TMEM178B: variants seen among roughly 807,000 people sequenced by gnomAD.
TMEM178B encodes the protein transmembrane protein 178B.
In TMEM178B, 5 loss-of-function variants were observed where a neutral mutation model predicts 31.0. The observed-to-expected ratio is 0.16, with a 90% CI of 0.08 to 0.34. TMEM178B has a LOEUF of 0.34. Among genes scored for constraint, TMEM178B ranks in the 10% least tolerant of loss-of-function variants. The probability of loss-of-function intolerance (pLI) is 1.00; values close to 1 mark genes in which losing one functional copy is unlikely to be tolerated. For synonymous variants in TMEM178B, 164 were observed against 164.0 expected, an observed-to-expected ratio of 1.00 and a Z score of 0.00; for missense variants, 275 against 400.3, an observed-to-expected ratio of 0.69 and a Z score of 2.67.
Position 141,099,047 on chromosome 7 carries a change from A to G in TMEM178B, c.382+24355A>G, listed in dbSNP as rs151086334. On this transcript the variant is annotated intron_variant, in intron 1 of 3. Transcript: ENST00000565468. ...AAGTCTTCTAACTTTGCTAAAGCCA[A>G]TTAGACCATACATTATCAACCAGGG... 2.7e-4 allele frequency among the ~76,000 whole-genome samples: 41 copies of G among 152,362 alleles called. 1 individual carries two copies. The highest frequency in any genetic ancestry group is 3.4e-3 in the Middle Eastern group (1 of 294).
Position 141,386,771 on chromosome 7 carries a change from C to T in TMEM178B, c.497-50837C>T, listed in dbSNP as rs1361823117. Among the ~76,000 whole-genome samples the T allele has an allele frequency of 3.3e-5, 5 of 152,182 alleles. No homozygotes were observed. In the East Asian group the frequency reaches 9.7e-4, roughly 29 times the overall value. On this transcript the variant is annotated intron_variant, in intron 2 of 3. Coordinates refer to ENST00000565468, the MANE Select transcript of TMEM178B (RefSeq NM_001195278.2). ...TGCACGCAGTGGAGATCAACTCTGG[C>T]TAATTTAATCAAGGGAAGGATCCTG...
At chr7:141,198,278 A>G (rs1796817476) in intron 1 of TMEM178B, among the ~76,000 whole-genome samples, 1 of 152,106 alleles carries the variant, frequency 6.6e-6, no homozygotes, top group African/African-American at 2.4e-5. Context: ...GGAGGTGCAT[A>G]CCTGGGGGAG....
intron 3 of TMEM178B, among the ~76,000 whole-genome samples, chr7:141,465,720 A>G (rs1000895267): frequency 6.6e-6 from 1 of 152,216 alleles, no homozygotes; most frequent in Non-Finnish European, 1.5e-5. Flanking sequence ...GTACATAAAA[A>G]TATAAATTAT....
At chr7:141,162,342 T>C (rs1045915976) in intron 1 of TMEM178B, among the ~76,000 whole-genome samples, 4 of 152,218 alleles carry the variant, frequency 2.6e-5, no homozygotes, top group African/African-American at 9.6e-5. Flanking sequence ...TTTGACCCCC[T>C]GTCTGCTCAT....
At chr7:141,399,231 C>T (rs1047865491) in intron 2 of TMEM178B, among the ~76,000 whole-genome samples, 1 of 152,220 alleles carries the variant, frequency 6.6e-6, no homozygotes, top group African/African-American at 2.4e-5. Context: ...ACGGCACAGG[C>T]CAGTTGAAGT....
intron 2 of TMEM178B, among the ~76,000 whole-genome samples, chr7:141,246,221 T>C (rs1442859830): frequency 6.6e-6 from 1 of 152,238 alleles, no homozygotes; most frequent in African/African-American, 2.4e-5. Flanking sequence ...TTCATCTCTA[T>C]GGAGCCATGC....
intron 1 of TMEM178B, among the ~76,000 whole-genome samples, chr7:141,204,762 A>G (rs1235410426): frequency 6.6e-6 from 1 of 152,150 alleles, no homozygotes. Flanking sequence ...CACTCATCCA[A>G]ATATAACTCA....
At chr7:141,313,238 T>C (rs1183391571) in intron 2 of TMEM178B, among the ~76,000 whole-genome samples, 1 of 152,112 alleles carries the variant, frequency 6.6e-6, no homozygotes, top group East Asian at 1.9e-4. Context: ...TGCTAAGGGG[T>C]ATAATAGAAG....
chr7:141,497,624 G>C, the TMEM178B span, among the ~76,000 whole-genome samples: 5 of 152,072 alleles, frequency 3.3e-5, no homozygotes, highest in Non-Finnish European at 7.4e-5. Context: ...GCATCCCTCC[G>C]TCTGTGGTCA....
At chr7:141,131,307 T>C (rs1286573659) in intron 1 of TMEM178B, among the ~76,000 whole-genome samples, 1 of 152,242 alleles carries the variant, frequency 6.6e-6, no homozygotes, top group East Asian at 1.9e-4. Context: ...GGTAATCTTA[T>C]ACTAAGCAGC....
At chr7:141,096,982 C>G (rs1794970539) in intron 1 of TMEM178B, among the ~76,000 whole-genome samples, 1 of 151,744 alleles carries the variant, frequency 6.6e-6, no homozygotes, top group South Asian at 2.1e-4. Context: ...CCCAGCTACT[C>G]AGGAGGCTGA....
At position 141,229,101 on chromosome 7, in the gene TMEM178B, G is replaced by T. The variant is rs528544787; in HGVS notation, c.496+16397G>T. 7.5e-5 allele frequency among the ~76,000 whole-genome samples: 3 copies of T among 40,182 alleles called. No individual in the cohort carries two copies. The South Asian group carries it at 1.4e-3, about 19-fold the overall frequency. 26.4% of individuals were successfully genotyped at this position (40,182 alleles called of 152,430 possible). A position where few individuals can be genotyped will look rare whatever the true frequency, so the allele number is the denominator to read the frequency against. ...TTTTGCAAAATGATGTGTGTGTGTGGTGTGTGTGTGTGTGTGTGTGTGTGT... is the reference window on the plus strand; with the variant it reads ...TTTTGCAAAATGATGTGTGTGTGTGTTGTGTGTGTGTGTGTGTGTGTGTGT... On this transcript the variant is annotated intron_variant, in intron 2 of 3. Coordinates refer to ENST00000565468, the MANE Select transcript of TMEM178B (RefSeq NM_001195278.2).
chr7:141,510,685 C>CAAAAAAAA, the TMEM178B span, among the ~76,000 whole-genome samples: 200 of 24,958 alleles, frequency 8.0e-3, 30 homozygotes, highest in Admixed American at 0.021. Flanking sequence ...AACTCCGTCT[C>CAAAAAAAA]AAAAAAAAAA....
At chr7:141,263,942 A>T (rs913535587) in intron 2 of TMEM178B, among the ~76,000 whole-genome samples, 2 of 152,256 alleles carry the variant, frequency 1.3e-5, no homozygotes, top group African/African-American at 4.8e-5. Context: ...GAAATGGCAC[A>T]TAGGGAAGAA....
intron 3 of TMEM178B, among the ~76,000 whole-genome samples, chr7:141,468,080 T>C (rs909890950): frequency 6.6e-6 from 1 of 152,170 alleles, no homozygotes; most frequent in African/African-American, 2.4e-5. Flanking sequence ...TTGGTAAAAT[T>C]GACCATTTTT....
chr7:141,409,949 C>T (rs912974526), intron 2 of TMEM178B, among the ~76,000 whole-genome samples: 6 of 152,164 alleles, frequency 3.9e-5, no homozygotes, highest in Non-Finnish European at 7.4e-5. Context: ...CTCTGCTGAG[C>T]CCCGGGTGAC....
intron 2 of TMEM178B, among the ~76,000 whole-genome samples, chr7:141,260,509 C>A (rs1309281871): frequency 6.6e-6 from 1 of 152,140 alleles, no homozygotes; most frequent in African/African-American, 2.4e-5. Context: ...CCTCCCCATC[C>A]TTGTATTTTG....
At chr7:141,287,999 G>A (rs895790641) in intron 2 of TMEM178B, among the ~76,000 whole-genome samples, 1 of 151,946 alleles carries the variant, frequency 6.6e-6, no homozygotes, top group Non-Finnish European at 1.5e-5. Flanking sequence ...CCAATACGTA[G>A]CTCAAAAATT....
intron 1 of TMEM178B, among the ~76,000 whole-genome samples, chr7:141,155,458 G>A (rs917534903): frequency 1.3e-5 from 2 of 152,178 alleles, no homozygotes; most frequent in South Asian, 2.1e-4. Context: ...CACCCACCAT[G>A]ATTTCAAGCT....
Sources: gnomAD v4.1 joint callset for allele counts (sites outside exome capture counted in the v4.1 genomes callset) on GRCh38, gnomAD v4.1.1 for gene constraint, MANE v1.5 for transcripts, NCBI Gene and HGNC (gene_info 2026-07-23, HGNC 2026-07-21) for gene names.